SRBD1: variants seen among roughly 807,000 people sequenced by gnomAD.
SRBD1 encodes S1 RNA-binding domain-containing protein 1.
SRBD1 carries 88 observed loss-of-function variants against 115.3 expected under a neutral mutation model. The ratio of observed to expected loss-of-function variants is 0.76; its 90% CI spans 0.64 to 0.91. The LOEUF (loss-of-function observed/expected upper bound fraction) is 0.91. Ranked by LOEUF, SRBD1 falls within the 40% of genes least tolerant of loss-of-function variation. SRBD1 has a pLI of 0.00. For missense variants in SRBD1, 1,385 were observed against 1,177.4 expected, an observed-to-expected ratio of 1.18 and a Z score of -2.58; for synonymous variants, 509 against 407.7, an observed-to-expected ratio of 1.25 and a Z score of -2.99.
intron 14 of SRBD1, among the ~76,000 whole-genome samples, chr2:45,522,248 C>G (rs963794006): frequency 6.6e-6 from 1 of 152,074 alleles, no homozygotes; most frequent in Non-Finnish European, 1.5e-5. Context: ...GTGGCATGCA[C>G]TGCAACCTCG....
At position 45,546,845 on chromosome 2, in the gene SRBD1, A is replaced by C. The variant is rs760035228; in HGVS notation, c.1767-6T>G. The C allele has an allele frequency of 6.2e-7, 1 of 1,613,434 alleles. No homozygotes were observed. The highest frequency in any genetic ancestry group is 8.5e-7 in the Non-Finnish European group (1 of 1,179,434). On this transcript the variant is annotated splice_region_variant and splice_polypyrimidine_tract_variant and intron_variant, in intron 13 of 20. Coordinates refer to ENST00000263736, the MANE Select transcript of SRBD1 (RefSeq NM_018079.5). ...CAATCACTACTGTGCTGCAGCTTCA[A>C]GGCAGAAACAGAATGACAAACTGAA...
intron 1 of SRBD1, among the ~76,000 whole-genome samples, chr2:45,609,587 C>T (rs994433922): frequency 5.3e-5 from 8 of 152,216 alleles, no homozygotes; most frequent in Non-Finnish European, 1.0e-4. Flanking sequence ...GGACTGAGCC[C>T]TGCTCACCTT....
chr2:45,397,108 T>A (rs941857032), intron 19 of SRBD1, among the ~76,000 whole-genome samples: 20 of 152,244 alleles, frequency 1.3e-4, no homozygotes, highest in African/African-American at 4.8e-4. Context: ...CAAGAACACA[T>A]CATTTTAGAA....
At chr2:45,413,802 C>G (rs1021476092) in intron 18 of SRBD1, among the ~76,000 whole-genome samples, 1 of 151,912 alleles carries the variant, frequency 6.6e-6, no homozygotes, top group Non-Finnish European at 1.5e-5. Context: ...GTGGTGCATG[C>G]CTGCCTGTAG....
intron 16 of SRBD1, among the ~76,000 whole-genome samples, chr2:45,464,613 G>C (rs1020234913): frequency 1.3e-5 from 2 of 152,162 alleles, no homozygotes; most frequent in African/African-American, 4.8e-5. Flanking sequence ...CCTCAGCTTT[G>C]AGACAGATTA....
At chr2:45,409,839 G>A (rs1046056188) in intron 19 of SRBD1, among the ~76,000 whole-genome samples, 3 of 152,008 alleles carry the variant, frequency 2.0e-5, no homozygotes, top group African/African-American at 7.2e-5. Flanking sequence ...AAAAGACACA[G>A]CTTAGAGAAA....
At chr2:45,451,243 A>C (rs1186893991) in intron 16 of SRBD1, among the ~76,000 whole-genome samples, 1 of 152,104 alleles carries the variant, frequency 6.6e-6, no homozygotes, top group Non-Finnish European at 1.5e-5. Context: ...TGCCATACAG[A>C]ATGAAATGTA....
intron 18 of SRBD1, among the ~76,000 whole-genome samples, chr2:45,413,651 C>T (rs72616916): frequency 3.3e-5 from 5 of 151,904 alleles, no homozygotes; most frequent in South Asian, 4.2e-4. Context: ...TACTTGGCTT[C>T]GCGCAGTGGC....
At chr2:45,427,205 G>A (rs769899309) in intron 16 of SRBD1, among the ~76,000 whole-genome samples, 2 of 150,300 alleles carry the variant, frequency 1.3e-5, no homozygotes, top group African/African-American at 4.9e-5. Context: ...TGATGAAGCT[G>A]AAAAACACCG....
intron 14 of SRBD1, among the ~76,000 whole-genome samples, chr2:45,533,469 G>T (rs1474823309): frequency 6.6e-6 from 1 of 151,946 alleles, no homozygotes; most frequent in Non-Finnish European, 1.5e-5. Flanking sequence ...CTATTTACAA[G>T]CATTAAAGTC....
At position 45,414,757 on chromosome 2, in the gene SRBD1, CAGTGTGTATATAGTATGT is replaced by C. The variant is rs1667739579; in HGVS notation, c.2334-1482_2334-1465del. Among the ~76,000 whole-genome samples the C allele has an allele frequency of 2.9e-4, 14 of 48,430 alleles. 1 individual carries two copies. The highest frequency in any genetic ancestry group is 1.3e-3 in the East Asian group (3 of 2,386). 31.8% of individuals were successfully genotyped at this position (48,430 alleles called of 152,430 possible). On this transcript the variant is annotated intron_variant, in intron 18 of 20. Transcript: ENST00000263736. ...TGTGTATATAGTATGTACACACACA[CAGTGTGTATATAGTATGT>C]ACACACACACATAGTGTGTATATAG...
At chr2:45,422,086 G>A (rs1668024372) in intron 16 of SRBD1, among the ~76,000 whole-genome samples, 1 of 151,994 alleles carries the variant, frequency 6.6e-6, no homozygotes, top group African/African-American at 2.4e-5. Flanking sequence ...CACAATGATA[G>A]CAACAAGAAA....
chr2:45,450,779 G>C (rs901892368), intron 16 of SRBD1, among the ~76,000 whole-genome samples: 1 of 152,072 alleles, frequency 6.6e-6, no homozygotes, highest in Admixed American at 6.6e-5. Context: ...TTCAGATGCA[G>C]GGTTCTATTT....
At chr2:45,468,583 C>T (rs1361216879) in intron 16 of SRBD1, among the ~76,000 whole-genome samples, 2 of 151,974 alleles carry the variant, frequency 1.3e-5, no homozygotes, top group African/African-American at 2.4e-5. Context: ...GAGATGACGT[C>T]TCACTATGTC....
At chr2:45,597,345 G>C (rs921428985) in intron 4 of SRBD1, among the ~76,000 whole-genome samples, 2 of 151,844 alleles carry the variant, frequency 1.3e-5, no homozygotes, top group Admixed American at 6.6e-5. Flanking sequence ...GCTTGAACCT[G>C]GGAGGCAGAG....
chr2:45,468,142 T>A (rs975249994), intron 16 of SRBD1, among the ~76,000 whole-genome samples: 3 of 152,116 alleles, frequency 2.0e-5, no homozygotes, highest in African/African-American at 7.2e-5. Flanking sequence ...TATTCATAAA[T>A]CCTATATATT....
intron 7 of SRBD1, among the ~76,000 whole-genome samples, chr2:45,575,884 A>T (rs1056071463): frequency 1.3e-5 from 2 of 152,098 alleles, no homozygotes; most frequent in Non-Finnish European, 2.9e-5. Flanking sequence ...TTGTATTTTT[A>T]GTAGTGACGG....
intron 16 of SRBD1, among the ~76,000 whole-genome samples, chr2:45,432,195 A>C (rs1174362109): frequency 6.6e-6 from 1 of 152,012 alleles, no homozygotes; most frequent in African/African-American, 2.4e-5. Context: ...ACGCGCAGCT[A>C]ATGTTGTATT....
At chr2:45,509,464 T>C (rs1670896846) in intron 14 of SRBD1, among the ~76,000 whole-genome samples, 1 of 151,652 alleles carries the variant, frequency 6.6e-6, no homozygotes, top group South Asian at 2.1e-4. Flanking sequence ...GGCGCGGTGG[T>C]GGGCGCCTGC....
Sources: gnomAD v4.1 joint callset for allele counts (sites outside exome capture counted in the v4.1 genomes callset) on GRCh38, gnomAD v4.1.1 for gene constraint, MANE v1.5 for transcripts, NCBI Gene and HGNC (gene_info 2026-07-23, HGNC 2026-07-21) for gene names.